SGCZ: variants seen among roughly 807,000 people sequenced by gnomAD.
SGCZ encodes sarcoglycan zeta, also known as zeta-sarcoglycan.
A neutral mutation model predicts 41.3 loss-of-function variants in SGCZ; 40 were observed. The ratio of observed to expected loss-of-function variants is 0.97; its 90% CI spans 0.75 to 1.26. SGCZ has a LOEUF of 1.26. Among genes scored for constraint, SGCZ ranks in the 50% most tolerant of loss-of-function variants. The pLI is 0.00. For missense variants in SGCZ, 552 were observed against 369.8 expected, an observed-to-expected ratio of 1.49 and a Z score of -4.04; for synonymous variants, 206 against 137.5, an observed-to-expected ratio of 1.50 and a Z score of -3.49.
intron 3 of SGCZ, among the ~76,000 whole-genome samples, chr8:14,255,182 C>T (rs904638051): frequency 2.6e-5 from 4 of 152,090 alleles, no homozygotes; most frequent in African/African-American, 9.7e-5. Flanking sequence ...GGAAGATTTC[C>T]TCTTTTGGTT....
rs761300068 is a variant in SGCZ at position 14,102,394 on chromosome 8, C to T, written c.726G>A (p.Leu242=). 4 of 1,515,508 alleles carry T rather than the reference C, an allele frequency of 2.6e-6. No individual in the cohort carries two copies. The highest frequency in any genetic ancestry group is 2.7e-6 in the Non-Finnish European group (3 of 1,118,350). The allele number at this position is 1,515,508 out of a possible 1,614,324, so 93.9% of individuals were successfully genotyped here. Residue 242 remains leucine (L), a synonymous_variant, in exon 7 of 8, where the codon CTG becomes CTA. Transcript: ENST00000382080. ...GACTCACCTCCCCTTCTGTAGATTG[C>T]AGATGGAGCTCCTTCCTGCAGGTGG... ...FKATCRKELH[L]QSTEGEIFLN... is the part of the protein sequence containing the mutation.
At chr8:14,383,076 A>T (rs10092834) in intron 2 of SGCZ, among the ~76,000 whole-genome samples, 3 of 152,280 alleles carry the variant, frequency 2.0e-5, no homozygotes, top group African/African-American at 7.2e-5. Context: ...ATTGTCCCCA[A>T]TCATAAGAAG....
intron 5 of SGCZ, among the ~76,000 whole-genome samples, chr8:14,119,066 A>C (rs1302767095): frequency 6.6e-6 from 1 of 152,110 alleles, no homozygotes; most frequent in East Asian, 1.9e-4. Context: ...GTTCCATATG[A>C]AATTTACAGT....
rs372262183 is a variant in SGCZ at position 15,007,486 on chromosome 8, G to A, written c.39+230099C>T. The stretch of plus-strand genomic sequence containing the variant: ...AACAGAGGGTAATATTGAAGCCACG[G>A]TCTATGAGCCACAAACTGGGTGCAT... On this transcript the variant is annotated intron_variant, in intron 1 of 7. Coordinates refer to ENST00000382080, the MANE Select transcript of SGCZ (RefSeq NM_139167.4). Among the ~76,000 whole-genome samples, 24 of 152,188 alleles carry A rather than the reference G, an allele frequency of 1.6e-4. 1 individual carries two copies. Among genetic ancestry groups the A allele is most frequent in the African/African-American group, 5.6e-4 (23 of 41,440 alleles).
intron 2 of SGCZ, among the ~76,000 whole-genome samples, chr8:14,355,538 G>C (rs1803262644): frequency 6.6e-6 from 1 of 151,816 alleles, no homozygotes; most frequent in Non-Finnish European, 1.5e-5. Context: ...GACTTAACTT[G>C]TTAATTTGTA....
At chr8:14,471,112 G>A (rs1801201818) in intron 2 of SGCZ, among the ~76,000 whole-genome samples, 1 of 152,058 alleles carries the variant, frequency 6.6e-6, no homozygotes, top group Non-Finnish European at 1.5e-5. Flanking sequence ...TCTAATGCTT[G>A]CCTTTAAAAA....
At chr8:14,632,639 C>T (rs1435452934) in intron 1 of SGCZ, among the ~76,000 whole-genome samples, 1 of 152,042 alleles carries the variant, frequency 6.6e-6, no homozygotes, top group Non-Finnish European at 1.5e-5. Context: ...CTGTGATTAA[C>T]ACTTTAAATA....
chr8:14,308,123 T>G (rs547111315), intron 3 of SGCZ, among the ~76,000 whole-genome samples: 1 of 152,212 alleles, frequency 6.6e-6, no homozygotes, highest in East Asian at 1.9e-4. Context: ...CAAGTTCTTA[T>G]TTATAGGAGA....
chr8:14,243,786 T>A (rs954332425), intron 3 of SGCZ, among the ~76,000 whole-genome samples: 6 of 152,178 alleles, frequency 3.9e-5, no homozygotes, highest in African/African-American at 9.6e-5. Flanking sequence ...GCCTTTCTAC[T>A]CCTCCAGAGT....
chr8:14,953,146 G>C (rs1195383727), intron 1 of SGCZ, among the ~76,000 whole-genome samples: 1 of 152,154 alleles, frequency 6.6e-6, no homozygotes, highest in Non-Finnish European at 1.5e-5. Context: ...TGGGTAATCT[G>C]TGAAGAAAAG....
At chr8:14,784,800 G>C (rs183762731) in intron 1 of SGCZ, among the ~76,000 whole-genome samples, 1 of 149,730 alleles carries the variant, frequency 6.7e-6, no homozygotes, top group African/African-American at 2.5e-5. Context: ...TACTCAGGAG[G>C]CTGAGGCAGG....
At chr8:15,097,446 GA>G (rs1011396362) in intron 1 of SGCZ, among the ~76,000 whole-genome samples, 10 of 150,758 alleles carry the variant, frequency 6.6e-5, no homozygotes, top group African/African-American at 2.2e-4. Context: ...TGCTGAGTGT[GA>G]AAAAAAAATC....
rs543321684 is a variant in SGCZ at position 15,032,467 on chromosome 8, T to C, written c.39+205118A>G. Among the ~76,000 whole-genome samples the C allele has an allele frequency of 5.3e-5, 8 of 152,000 alleles. No homozygotes were observed. The South Asian group carries it at 1.2e-3, about 24-fold the overall frequency. ...GCCTTGGACCCAACACCAGGCCCAC[T>C]CTAGTAAAATGCAGTGCCACCCAGG... On this transcript the variant is annotated intron_variant, in intron 1 of 7. Transcript: ENST00000382080.
At chr8:14,152,248 A>G (rs534972994) in intron 5 of SGCZ, among the ~76,000 whole-genome samples, 10 of 152,312 alleles carry the variant, frequency 6.6e-5, no homozygotes, top group Non-Finnish European at 7.3e-5. Context: ...AAAAACTCAC[A>G]AAGAATTCAA....
chr8:14,793,949 A>G (rs1159462632), intron 1 of SGCZ, among the ~76,000 whole-genome samples: 1 of 152,198 alleles, frequency 6.6e-6, no homozygotes, highest in African/African-American at 2.4e-5. Flanking sequence ...CTTGGCTTCT[A>G]GTACTATACC....
intron 1 of SGCZ, among the ~76,000 whole-genome samples, chr8:15,052,909 C>G (rs139097923): frequency 2.0e-5 from 3 of 152,150 alleles, no homozygotes; most frequent in African/African-American, 7.2e-5. Context: ...CTTAAATTAC[C>G]TACTTGACAC....
At chr8:14,255,040 G>T (rs919526648) in intron 3 of SGCZ, among the ~76,000 whole-genome samples, 1 of 152,136 alleles carries the variant, frequency 6.6e-6, no homozygotes, top group Non-Finnish European at 1.5e-5. Context: ...TGGGCATGGA[G>T]GTGGGTGGAT....
intron 2 of SGCZ, among the ~76,000 whole-genome samples, chr8:14,517,393 T>A (rs1405177333): frequency 6.6e-6 from 1 of 152,136 alleles, no homozygotes; most frequent in Non-Finnish European, 1.5e-5. Flanking sequence ...GAGCATTCTA[T>A]TCTTTCTATA....
Position 15,127,252 on chromosome 8 carries a change from AC to A in SGCZ, c.39+110332del, listed in dbSNP as rs1807734706. Reference sequence around the variant, plus strand: ...TATAGGCACACACACACACACACACACACAAACAAACACACACACACACACA... The same window carrying A: ...TATAGGCACACACACACACACACACAACAAACAAACACACACACACACACA... On this transcript the variant is annotated intron_variant, in intron 1 of 7. Transcript: ENST00000382080. Among the ~76,000 whole-genome samples, 9 of 6,400 alleles carry A rather than the reference AC, an allele frequency of 1.4e-3. No individual in the cohort carries two copies. In the South Asian group the frequency reaches 0.17, roughly 124 times the overall value. 4.2% of individuals were successfully genotyped at this position (6,400 alleles called of 152,430 possible).
Sources: gnomAD v4.1 joint callset for allele counts (sites outside exome capture counted in the v4.1 genomes callset) on GRCh38, gnomAD v4.1.1 for gene constraint, MANE v1.5 for transcripts, NCBI Gene and HGNC (gene_info 2026-07-23, HGNC 2026-07-21) for gene names.